The following LRP1B variants were observed in gnomAD, a reference collection of about 807,000 sequenced individuals.
The protein encoded by LRP1B is LDL receptor related protein 1B.
LRP1B carries 217 observed loss-of-function variants against 556.6 expected under a neutral mutation model. The ratio of observed to expected loss-of-function variants is 0.39; its 90% confidence interval spans 0.35 to 0.44. The LOEUF is 0.44. Ranked by LOEUF, LRP1B falls within the 20% of genes least tolerant of loss-of-function variation. The pLI, the probability that LRP1B is intolerant of heterozygous loss-of-function variation, is 1.00. For missense variants in LRP1B, 5,053 were observed against 5,620.8 expected (o/e 0.90, Z 3.23); for synonymous variants, 2,047 against 1,865.8 (o/e 1.10, Z -2.50).
chr2:141,810,181 G>T (rs2105706644), intron 2 of LRP1B, 98 bp downstream of exon 2: 3 of 953,718 alleles, frequency 3.1e-6, no homozygotes, highest in South Asian at 2.9e-5. Context: ...AAGAAAGAAA[G>T]AAAGAATCAT....
chr2:141,790,423 C>A (rs1168008428), intron 2 of LRP1B, among the ~76,000 whole-genome samples: 4 of 151,576 alleles, frequency 2.6e-5, no homozygotes. Flanking sequence ...TTCTATTGTG[C>A]CCTGGGAATT....
intron 2 of LRP1B, among the ~76,000 whole-genome samples, chr2:141,490,154 G>A (rs1164326873): frequency 7.9e-5 from 12 of 152,034 alleles, no homozygotes; most frequent in Admixed American, 6.6e-4. Context: ...TGAAGACTCA[G>A]TTTAGGAAAT....
At chr2:141,592,463 C>A (rs1430098705) in intron 2 of LRP1B, among the ~76,000 whole-genome samples, 2 of 152,012 alleles carry the variant, frequency 1.3e-5, no homozygotes, top group Non-Finnish European at 2.9e-5. Context: ...CATGAAGGCA[C>A]CACCCTTATG....
chr2:141,057,113 C>T (rs1326130085), intron 9 of LRP1B, among the ~76,000 whole-genome samples: 1 of 151,818 alleles, frequency 6.6e-6, no homozygotes, highest in African/African-American at 2.4e-5. Context: ...TGTAACCTTC[C>T]AACCTTCTCC....
At chr2:141,551,384 G>A (rs72853582) in intron 2 of LRP1B, among the ~76,000 whole-genome samples, 11,320 of 151,734 alleles carry the variant, frequency 0.075, 522 homozygotes, top group South Asian at 0.16. Flanking sequence ...ATCAGGGAAC[G>A]TTGTTATTAT....
At chr2:141,383,500 T>TATAC (rs1305062605) in intron 3 of LRP1B, among the ~76,000 whole-genome samples, 1 of 152,162 alleles carries the variant, frequency 6.6e-6, no homozygotes, top group Non-Finnish European at 1.5e-5. Flanking sequence ...AAATATATGG[T>TATAC]ATACAGATGC....
At chr2:141,203,581 T>TGG (rs140424838) in intron 6 of LRP1B, among the ~76,000 whole-genome samples, 4 of 151,784 alleles carry the variant, frequency 2.6e-5, no homozygotes, top group African/African-American at 9.7e-5. Flanking sequence ...CACACAATAA[T>TGG]GGGGGGGGAG....
intron 3 of LRP1B, among the ~76,000 whole-genome samples, chr2:141,471,281 T>TG (rs747787803): frequency 6.1e-5 from 5 of 81,758 alleles, no homozygotes; most frequent in East Asian, 2.6e-4. Context: ...TTTTTTTTTT[T>TG]TTTTTTTTTT....
intron 1 of LRP1B, among the ~76,000 whole-genome samples, chr2:142,117,601 G>A (rs1707318232): frequency 6.6e-6 from 1 of 151,628 alleles, no homozygotes; most frequent in African/African-American, 2.4e-5. Context: ...ATTTTTATTT[G>A]TGTGTGTGTG....
intron 66 of LRP1B, among the ~76,000 whole-genome samples, chr2:140,417,891 G>T (rs567015895): frequency 6.6e-6 from 1 of 152,124 alleles, no homozygotes; most frequent in African/African-American, 2.4e-5. Context: ...ATGTGTTCAC[G>T]CAGCTCTGTG....
chr2:140,628,120 G>A (rs1259537614), intron 41 of LRP1B, among the ~76,000 whole-genome samples: 1 of 152,112 alleles, frequency 6.6e-6, no homozygotes, highest in East Asian at 1.9e-4. Context: ...GATGAAATGC[G>A]GTGCCTTCAC....
intron 2 of LRP1B, among the ~76,000 whole-genome samples, chr2:141,583,771 T>C (rs1385558637): frequency 6.6e-6 from 1 of 152,044 alleles, no homozygotes; most frequent in Non-Finnish European, 1.5e-5. Flanking sequence ...GACTTAGTCT[T>C]GCTCCGTCGC....
At chr2:140,914,085 T>C (rs1694503432) in intron 21 of LRP1B, among the ~76,000 whole-genome samples, 1 of 152,124 alleles carries the variant, frequency 6.6e-6, no homozygotes, top group Non-Finnish European at 1.5e-5. Context: ...ATGGAGATTG[T>C]CTATAAGATT....
chr2:141,233,867 AATGTATATATAT>A (rs956947491), intron 5 of LRP1B, among the ~76,000 whole-genome samples: 5 of 151,722 alleles, frequency 3.3e-5, no homozygotes, highest in African/African-American at 1.2e-4. Flanking sequence ...GTATATAATA[AATGTATATATAT>A]ATGTATATCA....
intron 21 of LRP1B, among the ~76,000 whole-genome samples, chr2:140,915,943 G>A (rs1363803474): frequency 1.3e-5 from 2 of 151,804 alleles, no homozygotes; most frequent in East Asian, 3.9e-4. Flanking sequence ...CAAGAGAATG[G>A]TGTGAACCCA....
Position 140,746,989 on chromosome 2 carries a change from A to C in LRP1B, c.5758+22224T>G, listed in dbSNP as rs142649557. 4.6e-3 allele frequency among the ~76,000 whole-genome samples: 705 copies of C among 152,306 alleles called. 8 individuals are homozygous for C. The highest frequency in any genetic ancestry group is 0.024 in the Middle Eastern group (7 of 294). On this transcript the variant is annotated intron_variant, in intron 35 of 90. Transcript: ENST00000389484. ...TAAAAAAACATGGTGAAGTAGAAAA[A>C]GTATTAAATTCAGAATCAAAATACA...
intron 2 of LRP1B, among the ~76,000 whole-genome samples, chr2:141,532,022 A>G (rs1457349110): frequency 6.6e-6 from 1 of 152,166 alleles, no homozygotes; most frequent in African/African-American, 2.4e-5. Flanking sequence ...CCAGTACAGT[A>G]TATTGACTAA....
At chr2:140,446,737 A>T (rs537353698) in intron 63 of LRP1B, among the ~76,000 whole-genome samples, 1 of 152,288 alleles carries the variant, frequency 6.6e-6, no homozygotes, top group African/African-American at 2.4e-5. Flanking sequence ...AATAAAATAT[A>T]GAGGGAAAGT....
chr2:141,362,307 T>C (rs555158958), intron 3 of LRP1B, among the ~76,000 whole-genome samples: 85 of 152,380 alleles, frequency 5.6e-4, no homozygotes, highest in African/African-American at 1.9e-3. Flanking sequence ...GTATATTTAA[T>C]TTACACTTTG....
Sources: allele counts gnomAD v4.1 joint callset (sites outside exome capture counted in the v4.1 genomes callset), GRCh38; gene constraint gnomAD v4.1.1; transcripts MANE v1.5; gene names NCBI Gene and HGNC (gene_info 2026-07-23, HGNC 2026-07-21).